Variants in NXPH1 observed in about 807,000 individuals in gnomAD.
NXPH1 encodes neurexophilin-1.
NXPH1 carries 5 observed loss-of-function variants against 23.7 expected under a neutral mutation model. That is an observed-to-expected ratio of 0.21 (90% confidence interval 0.11 to 0.44). The LOEUF (loss-of-function observed/expected upper bound fraction) is 0.44, where lower values mean the gene tolerates loss of function less well. Among genes scored for constraint, NXPH1 ranks in the 20% least tolerant of loss-of-function variants. NXPH1 has a pLI of 0.99. For missense variants in NXPH1, 324 were observed against 321.6 expected (o/e 1.01, Z -0.06); for synonymous variants, 144 against 122.2 (o/e 1.18, Z -1.18).
At chr7:8,685,099 A>T (rs1821125085) in intron 2 of NXPH1, among the ~76,000 whole-genome samples, 1 of 152,090 alleles carries the variant, frequency 6.6e-6, no homozygotes, top group Admixed American at 6.6e-5. Context: ...TCTCTCAGGA[A>T]CAGTTTCTAT....
intron 2 of NXPH1, among the ~76,000 whole-genome samples, chr7:8,633,932 C>A (rs73054637): frequency 9.2e-5 from 14 of 152,200 alleles, no homozygotes; most frequent in Non-Finnish European, 1.2e-4. Flanking sequence ...GGGCCAGTTT[C>A]CTTATTTATG....
At chr7:8,693,701 C>G (rs1176797603) in intron 2 of NXPH1, among the ~76,000 whole-genome samples, 3 of 152,064 alleles carry the variant, frequency 2.0e-5, no homozygotes, top group Non-Finnish European at 2.9e-5. Context: ...TTCTTCAAGT[C>G]TTGTATATTA....
chr7:8,602,056 T>C (rs1363381588), intron 2 of NXPH1, among the ~76,000 whole-genome samples: 1 of 152,208 alleles, frequency 6.6e-6, no homozygotes, highest in Non-Finnish European at 1.5e-5. Context: ...GTGGATATAG[T>C]ATATCAGAAA....
At chr7:8,723,079 T>A (rs1476243956) in intron 2 of NXPH1, among the ~76,000 whole-genome samples, 1 of 152,224 alleles carries the variant, frequency 6.6e-6, no homozygotes, top group Non-Finnish European at 1.5e-5. Flanking sequence ...ACAGCTCTAT[T>A]TTAAACCGTT....
chr7:8,614,760 A>G (rs2128630240), intron 2 of NXPH1, among the ~76,000 whole-genome samples: 1 of 152,162 alleles, frequency 6.6e-6, no homozygotes, highest in East Asian at 1.9e-4. Flanking sequence ...TGATGAAAGA[A>G]TATCAAAATA....
At chr7:8,541,160 C>T (rs1290264742) in intron 2 of NXPH1, among the ~76,000 whole-genome samples, 1 of 151,656 alleles carries the variant, frequency 6.6e-6, no homozygotes, top group African/African-American at 2.4e-5. Context: ...AAGAGATGGA[C>T]TTCAAGGTAG....
At chr7:8,507,345 A>G (rs1817544207) in intron 2 of NXPH1, among the ~76,000 whole-genome samples, 1 of 151,734 alleles carries the variant, frequency 6.6e-6, no homozygotes, top group South Asian at 2.1e-4. Context: ...AAGCATTTAC[A>G]CCAGTGTTTG....
At chr7:8,527,498 G>GCTGTCTT (rs995974124) in intron 2 of NXPH1, among the ~76,000 whole-genome samples, 3 of 151,992 alleles carry the variant, frequency 2.0e-5, no homozygotes, top group African/African-American at 7.3e-5. Flanking sequence ...TTATGGCTTT[G>GCTGTCTT]GCAAACCCAT....
intron 2 of NXPH1, among the ~76,000 whole-genome samples, chr7:8,558,502 A>G (rs1818395690): frequency 6.6e-6 from 1 of 151,692 alleles, no homozygotes; most frequent in Admixed American, 6.6e-5. Flanking sequence ...AAGCTTAGTT[A>G]CTACATAAAA....
At chr7:8,724,591 G>T (rs1780019475) in intron 2 of NXPH1, among the ~76,000 whole-genome samples, 1 of 152,128 alleles carries the variant, frequency 6.6e-6, no homozygotes, top group South Asian at 2.1e-4. Context: ...AGCATCTCTA[G>T]TCATTTTGAG....
chr7:8,559,732 T>C (rs896546244), intron 2 of NXPH1, among the ~76,000 whole-genome samples: 1 of 151,706 alleles, frequency 6.6e-6, no homozygotes, highest in African/African-American at 2.4e-5. Flanking sequence ...CTTCACCTTA[T>C]ATTTTTCCTT....
At chr7:8,746,050 T>G (rs1233901043) in intron 2 of NXPH1, among the ~76,000 whole-genome samples, 1 of 152,152 alleles carries the variant, frequency 6.6e-6, no homozygotes, top group Non-Finnish European at 1.5e-5. Context: ...ATGGCTTAAT[T>G]GATGCCTCCA....
chr7:8,485,272 C>T (rs1049270256), intron 2 of NXPH1, among the ~76,000 whole-genome samples: 6 of 152,136 alleles, frequency 3.9e-5, no homozygotes, highest in Admixed American at 6.6e-5. Flanking sequence ...GCTCCTCATT[C>T]ACCTTCTGCC....
chr7:8,669,033 C>A (rs905446399), intron 2 of NXPH1, among the ~76,000 whole-genome samples: 1 of 152,060 alleles, frequency 6.6e-6, no homozygotes, highest in Non-Finnish European at 1.5e-5. Flanking sequence ...TCTATGAGGG[C>A]CATCCTGGAA....
At chr7:8,492,413 C>G (rs1253912677) in intron 2 of NXPH1, among the ~76,000 whole-genome samples, 3 of 151,974 alleles carry the variant, frequency 2.0e-5, no homozygotes, top group African/African-American at 7.2e-5. Context: ...ATACCTGAGT[C>G]TCAGTTTTAA....
intron 2 of NXPH1, among the ~76,000 whole-genome samples, chr7:8,492,343 T>C (rs1817261476): frequency 6.6e-6 from 1 of 152,050 alleles, no homozygotes; most frequent in African/African-American, 2.4e-5. Flanking sequence ...AGTCAGAAGA[T>C]CTGAGTTTGC....
At chr7:8,558,236 C>T (rs1300419597) in intron 2 of NXPH1, among the ~76,000 whole-genome samples, 2 of 149,646 alleles carry the variant, frequency 1.3e-5, no homozygotes, top group Non-Finnish European at 3.0e-5. Context: ...TTATTTTTTT[C>T]GGTGACACAT....
chr7:8,471,545 T>A (rs1336917351), intron 2 of NXPH1, among the ~76,000 whole-genome samples: 12 of 152,138 alleles, frequency 7.9e-5, no homozygotes, highest in Non-Finnish European at 1.8e-4. Flanking sequence ...ACAACCTCCC[T>A]TAGGAACTCA....
intron 2 of NXPH1, among the ~76,000 whole-genome samples, chr7:8,684,759 T>G (rs1821119601): frequency 6.6e-6 from 1 of 152,188 alleles, no homozygotes; most frequent in Admixed American, 6.6e-5. Flanking sequence ...CCTGTGCTAT[T>G]TATTATATTC....
Sources: gnomAD v4.1 joint callset for allele counts (sites outside exome capture counted in the v4.1 genomes callset) on GRCh38, gnomAD v4.1.1 for gene constraint, MANE v1.5 for transcripts, NCBI Gene and HGNC (gene_info 2026-07-23, HGNC 2026-07-21) for gene names.